Variants in ACOT1 observed in about 807,000 individuals in gnomAD.
ACOT1 encodes acyl-coenzyme A thioesterase 1.
A neutral mutation model predicts 15.7 loss-of-function variants in ACOT1; 8 were observed. That is an observed-to-expected ratio of 0.51 (90% CI 0.30 to 0.92). ACOT1 has a LOEUF of 0.92. ACOT1 is among the 40% of genes least tolerant of loss of function. The probability of loss-of-function intolerance (pLI) is 0.06; values close to 1 mark genes in which losing one functional copy is unlikely to be tolerated. For synonymous variants in ACOT1, 67 were observed against 241.2 expected (o/e 0.28, Z 6.69); for missense variants, 151 against 539.4 (o/e 0.28, Z 7.13).
the ACOT1 span, among the ~76,000 whole-genome samples, chr14:73,499,886 C>T: frequency 2.9e-3 from 437 of 152,270 alleles, 3 homozygotes; most frequent in African/African-American, 0.01. Flanking sequence ...AACATGTGGC[C>T]TAGGACAACT....
At chr14:73,524,778 G>C in the ACOT1 span, among the ~76,000 whole-genome samples, 4 of 151,606 alleles carry the variant, frequency 2.6e-5, no homozygotes, top group South Asian at 8.3e-4. Context: ...GAACAGGTAG[G>C]CCTCCTTATG....
At chr14:73,506,389 T>A in the ACOT1 span, 1 of 948,458 alleles carries the variant, frequency 1.1e-6, no homozygotes, top group Non-Finnish European at 1.7e-6. Flanking sequence ...GAATAATACA[T>A]AGCAGCAAAA....
At chr14:73,533,049 C>A (rs1269011929), upstream of ACOT1, among the ~76,000 whole-genome samples, 2 of 114,704 alleles carry the variant, frequency 1.7e-5, 1 homozygote, top group East Asian at 1.4e-3. Context: ...CCTTTGAGCC[C>A]AGGAGTTTGA....
the ACOT1 span, chr14:73,493,269 ATTT>A: frequency 1.5e-4 from 94 of 638,298 alleles, no homozygotes; most frequent in East Asian, 2.3e-3. Flanking sequence ...CAGATATTAG[ATTT>A]TTTTTGGAAT....
At chr14:73,519,164 C>G in the ACOT1 span, 1 of 1,610,800 alleles carries the variant, frequency 6.2e-7, no homozygotes, top group East Asian at 2.2e-5. Flanking sequence ...TGGACTTCAT[C>G]TGTGAACAGA....
At chr14:73,520,878 T>C in the ACOT1 span, 1 of 1,613,968 alleles carries the variant, frequency 6.2e-7, no homozygotes, top group East Asian at 2.2e-5. Context: ...TTCAAAGGTG[T>C]TGTCTGTGGA....
chr14:73,538,027 A>G (rs1888938045), intron 1 of ACOT1, 149 bp downstream of exon 1: 1 of 737,792 alleles, frequency 1.4e-6, no homozygotes, highest in Non-Finnish European at 1.8e-6. Context: ...ACCCCGGGCT[A>G]TGTTGCCCAG....
the ACOT1 span, chr14:73,500,591 CT>C: frequency 6.2e-7 from 1 of 1,613,918 alleles, no homozygotes; most frequent in Non-Finnish European, 8.5e-7. Flanking sequence ...GCCAAACAGG[CT>C]GCCCGCCGAA....
chr14:73,495,126 CTT>C, the ACOT1 span: 3 of 995,696 alleles, frequency 3.0e-6, no homozygotes, highest in Non-Finnish European at 4.5e-6. Flanking sequence ...TTTCCTGACT[CTT>C]TCATCCTCTA....
chr14:73,509,579 T>C, the ACOT1 span: 1 of 1,084,732 alleles, frequency 9.2e-7, no homozygotes, highest in South Asian at 1.4e-5. Context: ...CCAGCTGCAG[T>C]TGCTTAGTGC....
In ACOT1 at chr14:73,540,005, G is replaced by C. The variant is rs2140312439; in HGVS notation, c.458-1488G>C. On this transcript the variant is annotated intron_variant, in intron 1 of 2. Coordinates refer to ENST00000311148, the MANE Select transcript of ACOT1 (RefSeq NM_001037161.2). ...AAGAGCAATCAGCCAGTGTAGAAAT[G>C]ATGCTTATCCTTATTAATAATCAAA... 1.7e-5 allele frequency among the ~76,000 whole-genome samples: 2 copies of C among 116,826 alleles called. 1 individual carries two copies. The highest frequency in any genetic ancestry group is 5.6e-5 in the African/African-American group (2 of 36,006). 76.6% of individuals were successfully genotyped at this position (116,826 alleles called of 152,430 possible).
At chr14:73,499,177 A>G in the ACOT1 span, 3 of 1,583,756 alleles carry the variant, frequency 1.9e-6, no homozygotes, top group Admixed American at 5.0e-5. Flanking sequence ...GGGGAGGACC[A>G]GAGCAAGAAT....
chr14:73,530,794 AT>A, the ACOT1 span, among the ~76,000 whole-genome samples: 111 of 57,768 alleles, frequency 1.9e-3, 3 homozygotes, highest in Admixed American at 3.0e-3. Context: ...TCTCGGTTAA[AT>A]TTTTTTTTTT....
At chr14:73,496,545 A>T in the ACOT1 span, 1 of 1,059,382 alleles carries the variant, frequency 9.4e-7, no homozygotes, top group Non-Finnish European at 1.5e-6. Context: ...ACAGGGTCTG[A>T]GGAACTCTTG....
the ACOT1 span, among the ~76,000 whole-genome samples, chr14:73,501,753 T>C: frequency 2.0e-5 from 3 of 151,396 alleles, no homozygotes; most frequent in Non-Finnish European, 4.4e-5. Context: ...TTTTATTTTA[T>C]TTTATTATTA....
At chr14:73,522,544 C>A in the ACOT1 span, 2 of 1,614,162 alleles carry the variant, frequency 1.2e-6, no homozygotes, top group Non-Finnish European at 1.7e-6. Flanking sequence ...GCACAGTGGC[C>A]TCCCACGCTC....
At chr14:73,499,676 T>C in the ACOT1 span, among the ~76,000 whole-genome samples, 1 of 152,156 alleles carries the variant, frequency 6.6e-6, no homozygotes, top group African/African-American at 2.4e-5. Context: ...TCTACAGATC[T>C]GGGGCCATAT....
the ACOT1 span, among the ~76,000 whole-genome samples, chr14:73,511,309 TC>T: frequency 6.6e-6 from 1 of 151,424 alleles, no homozygotes. Flanking sequence ...GGTCAGGAGT[TC>T]AAGACCAGCC....
chr14:73,526,942 G>A, the ACOT1 span, among the ~76,000 whole-genome samples: 1 of 152,168 alleles, frequency 6.6e-6, no homozygotes, highest in Non-Finnish European at 1.5e-5. Flanking sequence ...AGTGGGGAGA[G>A]AGATTCCTGA....
Sources: gnomAD v4.1 joint callset for allele counts (sites outside exome capture counted in the v4.1 genomes callset) on GRCh38, gnomAD v4.1.1 for gene constraint, MANE v1.5 for transcripts, NCBI Gene and HGNC (gene_info 2026-07-23, HGNC 2026-07-21) for gene names.